The following MACROD2 variants were observed in gnomAD, a reference collection of about 807,000 sequenced individuals.
MACROD2 encodes the protein ADP-ribose glycohydrolase MACROD2.
A neutral mutation model predicts 70.4 loss-of-function variants in MACROD2; 36 were observed. The observed-to-expected ratio is 0.51, with a 90% CI of 0.39 to 0.68. The LOEUF (loss-of-function observed/expected upper bound fraction) is 0.68, where lower values mean the gene tolerates loss of function less well. Ranked by LOEUF, MACROD2 falls within the 30% of genes least tolerant of loss-of-function variation. The probability of loss-of-function intolerance (pLI) is 0.00; values close to 1 mark genes in which losing one functional copy is unlikely to be tolerated. For missense variants in MACROD2, 496 were observed against 538.4 expected (o/e 0.92, Z 0.78); for synonymous variants, 172 against 178.8 (o/e 0.96, Z 0.30).
At chr20:15,808,695 AT>A (rs1568572775) in intron 8 of MACROD2, among the ~76,000 whole-genome samples, 1 of 152,202 alleles carries the variant, frequency 6.6e-6, no homozygotes, top group Admixed American at 6.5e-5. Context: ...ATAATAAGAA[AT>A]AAAGGATCTA....
chr20:14,965,453 CTTTTTTTTTTTTT>C (rs532870999), intron 5 of MACROD2, among the ~76,000 whole-genome samples: 3 of 68,052 alleles, frequency 4.4e-5, no homozygotes, highest in Admixed American at 2.4e-4. Flanking sequence ...ATTTTTTTTT[CTTTTTTTTTTTTT>C]TTTTTTTTTT....
intron 3 of MACROD2, among the ~76,000 whole-genome samples, chr20:14,405,795 G>A (rs75268759): frequency 0.02 from 3,071 of 152,124 alleles, 127 homozygotes; most frequent in African/African-American, 0.071. Flanking sequence ...TTATTGGAGT[G>A]GAGATCTAAG....
chr20:15,436,256 C>T (rs952194432), intron 7 of MACROD2, among the ~76,000 whole-genome samples: 3 of 152,094 alleles, frequency 2.0e-5, no homozygotes, highest in Non-Finnish European at 1.5e-5. Context: ...TAATTGGACT[C>T]ACAGTTCCAC....
At chr20:14,548,546 G>A (rs1304203529) in intron 4 of MACROD2, among the ~76,000 whole-genome samples, 1 of 32,008 alleles carries the variant, frequency 3.1e-5, no homozygotes, top group Non-Finnish European at 7.2e-5. Context: ...GTGAAACCCC[G>A]TCTCTACTAA....
At chr20:15,959,864 A>G (rs1470892836) in intron 12 of MACROD2, among the ~76,000 whole-genome samples, 3 of 151,974 alleles carry the variant, frequency 2.0e-5, no homozygotes, top group South Asian at 2.1e-4. Flanking sequence ...GTAAAAAAAA[A>G]CACTTTAGAA....
At chr20:15,234,584 A>AT (rs2076997376) in intron 6 of MACROD2, among the ~76,000 whole-genome samples, 1 of 152,220 alleles carries the variant, frequency 6.6e-6, no homozygotes, top group African/African-American at 2.4e-5. Context: ...TGAGGAATGC[A>AT]TAGTCAGACC....
chr20:15,743,973 C>T (rs1347150320), intron 8 of MACROD2, among the ~76,000 whole-genome samples: 2 of 152,102 alleles, frequency 1.3e-5, no homozygotes. Context: ...AGACTGTTGC[C>T]AGCACACAAG....
chr20:14,156,101 G>A (rs1399464549), intron 3 of MACROD2, among the ~76,000 whole-genome samples: 2 of 152,150 alleles, frequency 1.3e-5, no homozygotes, highest in Non-Finnish European at 2.9e-5. Context: ...AGCTGAGGCT[G>A]CAGTGATCTG....
intron 6 of MACROD2, among the ~76,000 whole-genome samples, chr20:15,385,214 CA>C (rs1248089241): frequency 6.6e-6 from 1 of 152,150 alleles, no homozygotes; most frequent in Admixed American, 6.5e-5. Flanking sequence ...ACCCTGAAGA[CA>C]GAGAATTTGT....
chr20:14,875,303 C>T (rs982585909), intron 5 of MACROD2, among the ~76,000 whole-genome samples: 2 of 151,914 alleles, frequency 1.3e-5, no homozygotes, highest in African/African-American at 4.8e-5. Flanking sequence ...ATAGCTTTAA[C>T]CCAGGAGGTA....
intron 7 of MACROD2, among the ~76,000 whole-genome samples, chr20:15,463,200 T>C (rs1457930209): frequency 6.6e-6 from 1 of 152,116 alleles, no homozygotes; most frequent in African/African-American, 2.4e-5. Flanking sequence ...ATTCCATGTG[T>C]CAATGCCAAC....
chr20:15,922,498 C>T (rs764627931), intron 10 of MACROD2, among the ~76,000 whole-genome samples: 3 of 152,200 alleles, frequency 2.0e-5, no homozygotes, highest in Non-Finnish European at 4.4e-5. Flanking sequence ...GGACTTGCCT[C>T]GTAGTCCGTG....
At chr20:15,781,952 A>C (rs1243891952) in intron 8 of MACROD2, among the ~76,000 whole-genome samples, 3 of 152,134 alleles carry the variant, frequency 2.0e-5, no homozygotes, top group African/African-American at 7.2e-5. Context: ...TTGATGGGAA[A>C]TATGGCTAAA....
intron 5 of MACROD2, among the ~76,000 whole-genome samples, chr20:15,184,285 C>T (rs2076520200): frequency 6.6e-6 from 1 of 152,142 alleles, no homozygotes; most frequent in Non-Finnish European, 1.5e-5. Context: ...GGTTGGGTGC[C>T]TTCCCATGGA....
chr20:14,861,978 T>TATATATATATATTTATATATAA (rs2073324047), intron 5 of MACROD2, among the ~76,000 whole-genome samples: 2 of 48,356 alleles, frequency 4.1e-5, no homozygotes, highest in South Asian at 4.7e-4. Flanking sequence ...TATATATAAA[T>TATATATATATATTTATATATAA]ATATATATAT....
intron 3 of MACROD2, among the ~76,000 whole-genome samples, chr20:14,295,894 G>A (rs1309737055): frequency 1.3e-5 from 2 of 151,844 alleles, no homozygotes; most frequent in Non-Finnish European, 2.9e-5. Flanking sequence ...AAACTCATTA[G>A]GTATGCTGAG....
At chr20:14,756,438 T>A (rs755711053) in intron 5 of MACROD2, among the ~76,000 whole-genome samples, 4 of 152,162 alleles carry the variant, frequency 2.6e-5, no homozygotes, top group Non-Finnish European at 5.9e-5. Flanking sequence ...GCTTTTCTCC[T>A]TAGGTAGTGA....
intron 3 of MACROD2, among the ~76,000 whole-genome samples, chr20:14,411,567 A>C (rs889662299): frequency 6.6e-6 from 1 of 152,162 alleles, no homozygotes; most frequent in Non-Finnish European, 1.5e-5. Context: ...CTTAAAATTC[A>C]GTCTAAGATA....
At chr20:14,476,920 A>G (rs781512268) in intron 3 of MACROD2, among the ~76,000 whole-genome samples, 11 of 152,228 alleles carry the variant, frequency 7.2e-5, no homozygotes, top group Admixed American at 2.0e-4. Flanking sequence ...GAATCACAGT[A>G]AAAGGCCAAG....
Sources: allele counts gnomAD v4.1 joint callset (sites outside exome capture counted in the v4.1 genomes callset), GRCh38; gene constraint gnomAD v4.1.1; transcripts MANE v1.5; gene names NCBI Gene and HGNC (gene_info 2026-07-23, HGNC 2026-07-21).